TDG: variants seen among roughly 807,000 people sequenced by gnomAD.
The protein encoded by TDG is thymine DNA glycosylase.
In TDG, 23 loss-of-function variants were observed where a neutral mutation model predicts 46.1. The ratio of observed to expected loss-of-function variants is 0.50; its 90% CI spans 0.36 to 0.71. The LOEUF (loss-of-function observed/expected upper bound fraction) is 0.71. Among genes scored for constraint, TDG ranks in the 30% least tolerant of loss-of-function variants. The pLI is 0.00. For missense variants in TDG, 304 were observed against 486.7 expected (o/e 0.62, Z 3.53); for synonymous variants, 115 against 161.3 (o/e 0.71, Z 2.18).
chr12:103,975,554 T>A (rs997851114), intron 1 of TDG, among the ~76,000 whole-genome samples: 2 of 152,180 alleles, frequency 1.3e-5, no homozygotes, highest in Non-Finnish European at 2.9e-5. Flanking sequence ...GACAGAGAGA[T>A]AGGAAAGGGA....
chr12:103,981,225 ACTTTT>A, intron 4 of TDG, among the ~76,000 whole-genome samples: 1 of 112,962 alleles, frequency 8.9e-6, no homozygotes, highest in African/African-American at 3.3e-5. Context: ...GAGTTGTACT[ACTTTT>A]TTTTTTTTTT....
chr12:103,981,559 A>AT (rs1207779597), intron 4 of TDG, among the ~76,000 whole-genome samples: 1 of 152,114 alleles, frequency 6.6e-6, no homozygotes, highest in African/African-American at 2.4e-5. Flanking sequence ...TTTAAAAATG[A>AT]TTTTTTAAAA....
rs756239330 is a variant in TDG at position 103,984,882 on chromosome 12, A to G, written c.926A>G (p.Gln309Arg). 12 of 1,613,234 alleles carry G rather than the reference A, an allele frequency of 7.4e-6. No homozygotes were observed. In the South Asian group the frequency reaches 1.2e-4, roughly 16 times the overall value. Residue 309 changes from glutamine (Q) to arginine (R), a missense_variant, in exon 8 of 10, where the codon CAA becomes CGA. By Grantham distance (43) the Gln-to-Arg change is conservative. Transcript: ENST00000392872. ...GGCATTGAACGAAATATGGACGTTC[A>G]AGAGGTGCAATATACATTTGACCTA... ...LKGIERNMDV[Q>R]EVQYTFDLQL...
At position 103,967,197 on chromosome 12, in the gene TDG, G is replaced by A. The variant is rs151063712; in HGVS notation, c.23+1137G>A. 4.1e-3 allele frequency among the ~76,000 whole-genome samples: 621 copies of A among 152,196 alleles called. 2 individuals are homozygous for A. The highest frequency in any genetic ancestry group is 8.8e-3 in the Admixed American group (134 of 15,274). On this transcript the variant is annotated intron_variant, in intron 1 of 9. Transcript: ENST00000392872. Reference sequence around the variant, plus strand: ...TTACACATTGTAAGACTTTATTCAGGGTCTTACAGCAAAATAGTAGGACTT... The same window carrying A: ...TTACACATTGTAAGACTTTATTCAGAGTCTTACAGCAAAATAGTAGGACTT...
At chr12:103,972,869 TC>T (rs1871344370) in intron 1 of TDG, 3 of 563,130 alleles carry the variant, frequency 5.3e-6, no homozygotes, top group African/African-American at 3.8e-5. Flanking sequence ...ATTAATGACC[TC>T]CGACTATACT....
Position 103,987,278 on chromosome 12 carries a change from T to C in TDG, c.*188T>C, listed in dbSNP as rs1445868782. 1.4e-6 allele frequency: 1 copy of C among 709,350 alleles called. No individual in the cohort carries two copies. Among genetic ancestry groups the C allele is most frequent in the Non-Finnish European group, 2.2e-6 (1 of 463,792 alleles). 43.9% of individuals were successfully genotyped at this position (709,350 alleles called of 1,614,324 possible). ...TAGTTTGGAAGAAAAAGTAGGGTTTTTGTATACTAGCTTTTGTATTTGAAT... is the reference window on the plus strand; with the variant it reads ...TAGTTTGGAAGAAAAAGTAGGGTTTCTGTATACTAGCTTTTGTATTTGAAT... On this transcript the variant is annotated 3_prime_UTR_variant, in exon 10 of 10. Transcript: ENST00000392872.
intron 1 of TDG, among the ~76,000 whole-genome samples, chr12:103,973,841 T>C (rs1214237330): frequency 6.6e-6 from 1 of 152,240 alleles, no homozygotes; most frequent in African/African-American, 2.4e-5. Flanking sequence ...TTCTTTTACA[T>C]AAGATAAATA....
At chr12:103,968,450 T>G (rs2136231267) in intron 1 of TDG, among the ~76,000 whole-genome samples, 1 of 152,288 alleles carries the variant, frequency 6.6e-6, no homozygotes, top group South Asian at 2.1e-4. Context: ...TTGGGTTTTC[T>G]CCCCAGTCTA....
At chr12:103,971,735 AG>A (rs1282291753) in intron 1 of TDG, among the ~76,000 whole-genome samples, 18 of 152,188 alleles carry the variant, frequency 1.2e-4, no homozygotes, top group African/African-American at 4.1e-4. Flanking sequence ...AAGTGAACGA[AG>A]AGAAATAAAA....
rs1291078786 is a variant in TDG at position 103,982,854 on chromosome 12, TCA to T, written c.538_539del (p.Thr180SerfsTer26). 1.2e-6 allele frequency: 2 copies of T among 1,613,912 alleles called. No individual in the cohort carries two copies. Among genetic ancestry groups the T allele is most frequent in the African/African-American group, 2.7e-5 (2 of 74,914 alleles). ...AGGTCCAGCTGAACCATATGGATGA[TCA>T]CACTCTACCAGGGAAGTATGGTATT... ...SEVQLNHMDD[H>X]TLPGKYGIGF... On this transcript the variant is annotated frameshift_variant, in exon 5 of 10. Transcript: ENST00000392872. LOFTEE classifies it high-confidence loss of function.
chr12:103,977,083 G>C, intron 2 of TDG, 23 bp downstream of exon 2: 1 of 1,588,988 alleles, frequency 6.3e-7, no homozygotes, highest in Non-Finnish European at 8.5e-7. Flanking sequence ...TGAGAGCTTA[G>C]AAAGTTCAAC....
chr12:103,979,121 T>TTTTTTTC (rs1871688004), intron 2 of TDG, among the ~76,000 whole-genome samples: 1 of 149,502 alleles, frequency 6.7e-6, no homozygotes, highest in African/African-American at 2.5e-5. Flanking sequence ...TTTTTTTTTT[T>TTTTTTTC]GGACAGAGTC....
intron 1 of TDG, among the ~76,000 whole-genome samples, chr12:103,976,650 G>A (rs150622438): frequency 1.2e-4 from 19 of 152,242 alleles, no homozygotes; most frequent in African/African-American, 3.6e-4. Context: ...AGTATGGGCT[G>A]ACTTGACAGG....
Position 103,965,873 on chromosome 12 carries a change from G to C in TDG, c.-165G>C. On this transcript the variant is annotated 5_prime_UTR_variant, in exon 1 of 10. Transcript: ENST00000392872. ...GAAAGGGGGTCCGTGGGGGACGGTA[G>C]AAGCCTGGAGGAGGAGCTTGAGTCC... is the stretch of plus-strand genomic sequence containing the variant. The C allele has an allele frequency of 4.4e-6, 5 of 1,138,502 alleles. No homozygotes were observed. The South Asian group carries it at 4.8e-5, about 11-fold the overall frequency. The allele number at this position is 1,138,502 out of a possible 1,614,324, so 70.5% of individuals were successfully genotyped here. A position where few individuals can be genotyped will look rare whatever the true frequency, so the allele number is the denominator to read the frequency against.
rs368866450 is a variant in TDG, at chr12:103,983,218, T to C, written c.697T>C (p.Cys233Arg). ...QPRIAVFNGK[C>R]IYEIFSKEVF... ...ACGAATAGCAGTGTTTAATGGAAAA[T>C]GTAAGATTTACTTTTAAATTTTTTT... is the stretch of plus-strand genomic sequence containing the variant. The change falls in exon 6 of 10, where the codon TGT (cysteine) becomes CGT (arginine). Residue 233 changes from cysteine (C) to arginine (R), a missense_variant and splice_region_variant. Coordinates refer to ENST00000392872, the MANE Select transcript of TDG (RefSeq NM_003211.6). 1 of 1,593,942 alleles carries C rather than the reference T, an allele frequency of 6.3e-7. No homozygotes were observed. The highest frequency in any genetic ancestry group is 1.4e-5 in the African/African-American group (1 of 73,950).
At chr12:103,975,038 C>T (rs535878631) in intron 1 of TDG, among the ~76,000 whole-genome samples, 2 of 149,900 alleles carry the variant, frequency 1.3e-5, no homozygotes, top group Non-Finnish European at 3.0e-5. Context: ...AATAGTAAAG[C>T]AAACTTTTCC....
intron 9 of TDG, among the ~76,000 whole-genome samples, chr12:103,985,951 G>A (rs939449354): frequency 4.6e-5 from 7 of 151,940 alleles, no homozygotes; most frequent in African/African-American, 1.7e-4. Flanking sequence ...ACAGATTCTC[G>A]CTGTGTCACC....
At chr12:103,974,977 AAAAAAAAAAAAAAAAAG>A (rs1871462770) in intron 1 of TDG, among the ~76,000 whole-genome samples, 1 of 109,378 alleles carries the variant, frequency 9.1e-6, no homozygotes, top group Non-Finnish European at 2.0e-5. Context: ...TCCGTCTCAA[AAAAAAAAAAAAAAAAAG>A]AAAAAGAAAA....
intron 3 of TDG, 152 bp downstream of exon 3, chr12:103,980,224 T>C (rs984667540): frequency 2.2e-5 from 24 of 1,078,672 alleles, no homozygotes; most frequent in African/African-American, 3.2e-5. Flanking sequence ...GGTTGTGTTA[T>C]ATGAGAGTGT....
Sources: gnomAD v4.1 joint callset for allele counts (sites outside exome capture counted in the v4.1 genomes callset) on GRCh38, gnomAD v4.1.1 for gene constraint, MANE v1.5 for transcripts, NCBI Gene and HGNC (gene_info 2026-07-23, HGNC 2026-07-21) for gene names.